The following GSK3B variants were observed in gnomAD, a reference collection of about 807,000 sequenced individuals.
The protein encoded by GSK3B is glycogen synthase kinase 3 beta, also known as glycogen synthase kinase-3 beta.
In GSK3B, 15 loss-of-function variants were observed where a neutral mutation model predicts 56.4. That is an observed-to-expected ratio of 0.27 (90% confidence interval 0.18 to 0.41). The LOEUF (loss-of-function observed/expected upper bound fraction) is 0.41. Among genes scored for constraint, GSK3B ranks in the 10% least tolerant of loss-of-function variants. The pLI is 1.00. For missense variants in GSK3B, 300 were observed against 513.4 expected (o/e 0.58, Z 4.02); for synonymous variants, 181 against 188.9 (o/e 0.96, Z 0.34).
At chr3:120,016,629 C>T (rs2057830151) in intron 1 of GSK3B, among the ~76,000 whole-genome samples, 1 of 152,126 alleles carries the variant, frequency 6.6e-6, no homozygotes. Flanking sequence ...GGTGCTGAGG[C>T]CAATATCTAT....
intron 10 of GSK3B, among the ~76,000 whole-genome samples, chr3:119,830,780 T>C (rs752591406): frequency 1.2e-4 from 18 of 152,208 alleles, no homozygotes; most frequent in Non-Finnish European, 2.5e-4. Context: ...AGCTGTGTGA[T>C]TTTGGAACAC....
At chr3:119,847,256 C>T (rs1052035879) in intron 9 of GSK3B, among the ~76,000 whole-genome samples, 1 of 152,052 alleles carries the variant, frequency 6.6e-6, no homozygotes, top group African/African-American at 2.4e-5. Context: ...CCTGCACCTT[C>T]TCCACATGTA....
At chr3:119,908,978 A>G (rs2056709723) in intron 6 of GSK3B, among the ~76,000 whole-genome samples, 2 of 152,158 alleles carry the variant, frequency 1.3e-5, no homozygotes, top group Non-Finnish European at 2.9e-5. Flanking sequence ...TTATATCAAA[A>G]AGACAAAAAA....
At position 119,948,063 on chromosome 3, in the gene GSK3B, T is replaced by C. The variant is rs114110693; in HGVS notation, c.283-712A>G. Among the ~76,000 whole-genome samples the C allele has an allele frequency of 6.3e-3, 966 of 152,266 alleles. 4 individuals are homozygous for C. The highest frequency in any genetic ancestry group is 0.012 in the South Asian group (56 of 4,826). On this transcript the variant is annotated intron_variant, in intron 2 of 10. Coordinates refer to ENST00000264235, the MANE Select transcript of GSK3B (RefSeq NM_001146156.2). Reference sequence around the variant, plus strand: ...GCAGTAAATCTGACTAGACTGTACATTAACAAAGAGGTTATTATAGTCCAA... The same window carrying C: ...GCAGTAAATCTGACTAGACTGTACACTAACAAAGAGGTTATTATAGTCCAA...
At chr3:119,853,534 T>C (rs1441285969) in intron 9 of GSK3B, among the ~76,000 whole-genome samples, 1 of 152,192 alleles carries the variant, frequency 6.6e-6, no homozygotes, top group Non-Finnish European at 1.5e-5. Flanking sequence ...TTCACGACAT[T>C]GATTCCTCCT....
intron 6 of GSK3B, among the ~76,000 whole-genome samples, chr3:119,909,608 T>A (rs898455767): frequency 6.6e-6 from 1 of 152,200 alleles, no homozygotes; most frequent in Admixed American, 6.5e-5. Context: ...CAGTTCCTTC[T>A]ATCACTAAAC....
chr3:119,924,546 A>G (rs958264332), intron 3 of GSK3B, among the ~76,000 whole-genome samples: 5 of 152,246 alleles, frequency 3.3e-5, no homozygotes, highest in African/African-American at 1.2e-4. Flanking sequence ...ACGCAGAGAG[A>G]GAAAACTATA....
rs1006843665 is a variant in GSK3B at position 119,824,093 on chromosome 3, G to A, written c.*2695C>T. Reference sequence around the variant, plus strand: ...GATTATTAAACAGAATCACTGCCCTGAACAGTAACTTTTTGCTCATTAATA... The same window carrying A: ...GATTATTAAACAGAATCACTGCCCTAAACAGTAACTTTTTGCTCATTAATA... On this transcript the variant is annotated 3_prime_UTR_variant, in exon 11 of 11. Coordinates refer to ENST00000264235, the MANE Select transcript of GSK3B (RefSeq NM_001146156.2). 5 of 202,198 alleles carry A rather than the reference G, an allele frequency of 2.5e-5. No homozygotes were observed. The highest frequency in any genetic ancestry group is 5.1e-5 in the Non-Finnish European group (5 of 98,310). The allele number at this position is 202,198 out of a possible 1,614,324, so 12.5% of individuals were successfully genotyped here. A position where few individuals can be genotyped will look rare whatever the true frequency, so the allele number is the denominator to read the frequency against.
At position 120,086,269 on chromosome 3, in the gene GSK3B, G is replaced by A. The variant is rs530665920; in HGVS notation, c.88+7078C>T. ...AAACTCTGCTGCTGAGTTAATAAAT[G>A]TAGATGGACAATGGAAGAAAGAGTT... On this transcript the variant is annotated intron_variant, in intron 1 of 10. Transcript: ENST00000264235. Among the ~76,000 whole-genome samples, 25 of 151,616 alleles carry A rather than the reference G, an allele frequency of 1.6e-4. No individual in the cohort carries two copies. In the South Asian group the frequency reaches 5.2e-3, roughly 32 times the overall value.
intron 8 of GSK3B, among the ~76,000 whole-genome samples, chr3:119,866,064 C>T (rs753286137): frequency 1.2e-4 from 18 of 152,062 alleles, no homozygotes; most frequent in Non-Finnish European, 2.4e-4. Flanking sequence ...TGGAAAATTA[C>T]GTGGGGTCAA....
At chr3:119,972,132 A>G (rs2057373434) in intron 2 of GSK3B, among the ~76,000 whole-genome samples, 1 of 152,132 alleles carries the variant, frequency 6.6e-6, no homozygotes, top group African/African-American at 2.4e-5. Context: ...TAATTAACCA[A>G]TTTAGGTGTC....
rs1288825668 is a variant in GSK3B at position 119,869,780 on chromosome 3, C to T, written c.910-6175G>A. ...TTTGAGGACCTATTGTGCATAACTT[C>T]ACTTAAAGTTGCAGTTTCTAAGCAC... On this transcript the variant is annotated intron_variant, in intron 8 of 10. Transcript: ENST00000264235. Among the ~76,000 whole-genome samples, 3 of 152,228 alleles carry T rather than the reference C, an allele frequency of 2.0e-5. No individual in the cohort carries two copies. In the East Asian group the frequency reaches 5.8e-4, roughly 29 times the overall value.
chr3:119,842,501 G>A (rs1337705435), intron 10 of GSK3B, among the ~76,000 whole-genome samples: 2 of 151,110 alleles, frequency 1.3e-5, no homozygotes, highest in Non-Finnish European at 1.5e-5. Flanking sequence ...ACATTCGAGG[G>A]GAAAAAAACA....
At chr3:120,050,100 G>A (rs1357390353) in intron 1 of GSK3B, among the ~76,000 whole-genome samples, 2 of 152,188 alleles carry the variant, frequency 1.3e-5, no homozygotes, top group South Asian at 4.1e-4. Flanking sequence ...GTGGTCAGAT[G>A]TGAAGACAAA....
intron 1 of GSK3B, among the ~76,000 whole-genome samples, chr3:120,063,564 T>C (rs376645456): frequency 2.6e-5 from 4 of 151,470 alleles, no homozygotes; most frequent in East Asian, 1.9e-4. Context: ...CTGTCTCTAC[T>C]AAAAATACAA....
intron 1 of GSK3B, among the ~76,000 whole-genome samples, chr3:120,068,521 T>A (rs2058299632): frequency 6.6e-6 from 1 of 150,910 alleles, no homozygotes; most frequent in Non-Finnish European, 1.5e-5. Flanking sequence ...GGCAACATGG[T>A]GAAACCCCGT....
intron 1 of GSK3B, among the ~76,000 whole-genome samples, chr3:120,015,399 C>T (rs1261696639): frequency 2.0e-5 from 3 of 152,016 alleles, no homozygotes; most frequent in African/African-American, 7.2e-5. Context: ...GCCTGTAATC[C>T]CAGCACTCTG....
chr3:119,966,260 A>C (rs1202600999), intron 2 of GSK3B, among the ~76,000 whole-genome samples: 1 of 152,246 alleles, frequency 6.6e-6, no homozygotes, highest in African/African-American at 2.4e-5. Flanking sequence ...TTATTCAGAT[A>C]AATCTTGATA....
chr3:120,006,418 T>C (rs975783351), intron 1 of GSK3B, among the ~76,000 whole-genome samples: 5 of 152,216 alleles, frequency 3.3e-5, no homozygotes, highest in African/African-American at 7.2e-5. Context: ...GCGGACCTAA[T>C]AGACACCTAC....
Sources: allele counts gnomAD v4.1 joint callset (sites outside exome capture counted in the v4.1 genomes callset), GRCh38; gene constraint gnomAD v4.1.1; transcripts MANE v1.5; gene names NCBI Gene and HGNC (gene_info 2026-07-23, HGNC 2026-07-21).